KCNQ3: variants seen among roughly 807,000 people sequenced by gnomAD.
The protein encoded by KCNQ3 is potassium voltage-gated channel subfamily Q member 3.
A neutral mutation model predicts 92.5 loss-of-function variants in KCNQ3; 30 were observed. The observed-to-expected ratio is 0.32, with a 90% CI of 0.24 to 0.44. KCNQ3 has a LOEUF of 0.44. KCNQ3 is among the 20% of genes least tolerant of loss of function. The pLI, the probability that KCNQ3 is intolerant of heterozygous loss-of-function variation, is 1.00. For synonymous variants in KCNQ3, 450 were observed against 468.8 expected (o/e 0.96, Z 0.52); for missense variants, 913 against 1,140.3 (o/e 0.80, Z 2.87).
At chr8:132,224,030 C>T (rs1814321783) in intron 1 of KCNQ3, among the ~76,000 whole-genome samples, 2 of 150,512 alleles carry the variant, frequency 1.3e-5, no homozygotes, top group Admixed American at 1.3e-4. Flanking sequence ...ATCTTCCTGC[C>T]TCAGCCTCTC....
chr8:132,344,409 GC>G (rs570620037), intron 1 of KCNQ3, among the ~76,000 whole-genome samples: 260 of 152,232 alleles, frequency 1.7e-3, no homozygotes, highest in Admixed American at 2.7e-3. Context: ...CTTCCCCTTT[GC>G]CTCCACTTAT....
In KCNQ3 at chr8:132,298,175, G is replaced by T. The variant is rs538617412; in HGVS notation, c.387-111994C>A. Among the ~76,000 whole-genome samples the T allele has an allele frequency of 2.0e-5, 3 of 152,282 alleles. No individual in the cohort carries two copies. In the East Asian group the frequency reaches 5.8e-4, roughly 29 times the overall value. ...ATGAAGAAATCAACCATCCCAGTTTGCCTGGGACTCAGAAGTTTCCCAGAA... is the reference window on the plus strand; with the variant it reads ...ATGAAGAAATCAACCATCCCAGTTTTCCTGGGACTCAGAAGTTTCCCAGAA... On this transcript the variant is annotated intron_variant, in intron 1 of 14. Coordinates refer to ENST00000388996, the MANE Select transcript of KCNQ3 (RefSeq NM_004519.4).
chr8:132,377,928 T>C (rs1445665212), intron 1 of KCNQ3, among the ~76,000 whole-genome samples: 1 of 152,172 alleles, frequency 6.6e-6, no homozygotes, highest in African/African-American at 2.4e-5. Context: ...AGGATACCAA[T>C]GCCATTGCCA....
intron 1 of KCNQ3, among the ~76,000 whole-genome samples, chr8:132,243,132 A>T (rs1331366653): frequency 1.3e-5 from 2 of 152,238 alleles, no homozygotes; most frequent in African/African-American, 4.8e-5. Context: ...TATCTGATTA[A>T]TATCCCAGCT....
intron 9 of KCNQ3, among the ~76,000 whole-genome samples, chr8:132,154,191 AAGTTTTTT>A (rs1446074634): frequency 3.3e-3 from 49 of 15,076 alleles, no homozygotes; most frequent in African/African-American, 0.014. Context: ...AAAAGGGTAA[AAGTTTTTT>A]TTTTTTTTTT....
At chr8:132,166,298 A>G (rs370073500) in intron 8 of KCNQ3, among the ~76,000 whole-genome samples, 119 of 152,334 alleles carry the variant, frequency 7.8e-4, no homozygotes, top group African/African-American at 2.8e-3. Flanking sequence ...AAAGCCAGAC[A>G]TAATTCCACT....
chr8:132,206,478 T>C lies in KCNQ3; in HGVS notation c.387-20297A>G, dbSNP rs76900349. Among the ~76,000 whole-genome samples the C allele has an allele frequency of 2.4e-3, 363 of 152,306 alleles. 2 individuals carry two copies. Among genetic ancestry groups the C allele is most frequent in the African/African-American group, 8.2e-3 (341 of 41,576 alleles). On this transcript the variant is annotated intron_variant, in intron 1 of 14. Coordinates refer to ENST00000388996, the MANE Select transcript of KCNQ3 (RefSeq NM_004519.4). ...TATATTGAACTCAGAACCTAATAAATCAACTATTTTCATCTGTCCCCTTTC... is the reference window on the plus strand; with the variant it reads ...TATATTGAACTCAGAACCTAATAAACCAACTATTTTCATCTGTCCCCTTTC...
chr8:132,408,176 T>G (rs547550472), intron 1 of KCNQ3, among the ~76,000 whole-genome samples: 5 of 152,110 alleles, frequency 3.3e-5, no homozygotes, highest in Admixed American at 3.3e-4. Context: ...AAAAAATCAT[T>G]GTGGACTATA....
intron 1 of KCNQ3, among the ~76,000 whole-genome samples, chr8:132,465,165 C>A (rs1261727182): frequency 6.6e-6 from 1 of 152,192 alleles, no homozygotes; most frequent in Non-Finnish European, 1.5e-5. Context: ...TAGTTTACAA[C>A]CAAGATCCTG....
intron 1 of KCNQ3, among the ~76,000 whole-genome samples, chr8:132,225,940 C>T (rs1814401217): frequency 6.6e-6 from 1 of 152,162 alleles, no homozygotes; most frequent in Non-Finnish European, 1.5e-5. Context: ...AGCCTACTCC[C>T]TACTTTGAGA....
rs568248993 is a variant in KCNQ3 at position 132,133,968 on chromosome 8, ATATGAAGTTTTCTTC to A, written c.1799+307_1799+321del. Among the ~76,000 whole-genome samples, 88 of 152,308 alleles carry A rather than the reference ATATGAAGTTTTCTTC, an allele frequency of 5.8e-4. 1 individual carries two copies. The South Asian group carries it at 0.018, about 31-fold the overall frequency. On this transcript the variant is annotated intron_variant, in intron 13 of 14. Coordinates refer to ENST00000388996, the MANE Select transcript of KCNQ3 (RefSeq NM_004519.4). ...ATGGAGAATGCTCTGGGTTCTGCTG[ATATGAAGTTTTCTTC>A]CTGTTTCAATAAAGCTCATAAGTCT...
intron 1 of KCNQ3, among the ~76,000 whole-genome samples, chr8:132,232,355 A>G (rs1814671066): frequency 6.6e-6 from 1 of 152,222 alleles, no homozygotes; most frequent in African/African-American, 2.4e-5. Context: ...TTGTTGGACC[A>G]TTCCTTGAGT....
intron 1 of KCNQ3, among the ~76,000 whole-genome samples, chr8:132,348,745 G>A (rs1436966919): frequency 1.3e-5 from 2 of 152,160 alleles, no homozygotes; most frequent in African/African-American, 4.8e-5. Context: ...GTGTTCACCT[G>A]AAAGTGACTC....
intron 1 of KCNQ3, among the ~76,000 whole-genome samples, chr8:132,406,837 T>C (rs1039728691): frequency 1.3e-5 from 2 of 152,208 alleles, no homozygotes; most frequent in African/African-American, 4.8e-5. Context: ...TTCTCAACTT[T>C]AGTGGGCTTA....
At chr8:132,217,526 T>C (rs895678538) in intron 1 of KCNQ3, among the ~76,000 whole-genome samples, 41 of 151,838 alleles carry the variant, frequency 2.7e-4, no homozygotes, top group Admixed American at 2.4e-3. Flanking sequence ...CTGGCTAACA[T>C]GATGAAACCC....
intron 1 of KCNQ3, among the ~76,000 whole-genome samples, chr8:132,401,849 G>A (rs1250310149): frequency 1.3e-5 from 2 of 152,206 alleles, no homozygotes; most frequent in Admixed American, 6.5e-5. Context: ...CTGCCCTGAC[G>A]TGGGGAGGGA....
chr8:132,147,095 A>G (rs1469178353), intron 9 of KCNQ3, among the ~76,000 whole-genome samples: 1 of 152,228 alleles, frequency 6.6e-6, no homozygotes, highest in Non-Finnish European at 1.5e-5. Context: ...AAAACAACAG[A>G]GAGAGACTGA....
intron 1 of KCNQ3, among the ~76,000 whole-genome samples, chr8:132,302,657 T>G (rs1817256241): frequency 6.6e-6 from 1 of 152,208 alleles, no homozygotes; most frequent in Non-Finnish European, 1.5e-5. Context: ...AAACTAGGCC[T>G]GAATAGAGGC....
At chr8:132,418,620 T>C (rs1820883212) in intron 1 of KCNQ3, among the ~76,000 whole-genome samples, 1 of 152,110 alleles carries the variant, frequency 6.6e-6, no homozygotes, top group African/African-American at 2.4e-5. Flanking sequence ...ACATCGTCTC[T>C]ACTAAAAATA....
Sources: gnomAD v4.1 joint callset for allele counts (sites outside exome capture counted in the v4.1 genomes callset) on GRCh38, gnomAD v4.1.1 for gene constraint, MANE v1.5 for transcripts, NCBI Gene and HGNC (gene_info 2026-07-23, HGNC 2026-07-21) for gene names.